Variants in ADAMTS5 observed in about 807,000 individuals in gnomAD.
ADAMTS5 encodes ADAM metallopeptidase with thrombospondin type 1 motif 5.
In ADAMTS5, 54 loss-of-function variants were observed where a neutral mutation model predicts 81.4. The ratio of observed to expected loss-of-function variants is 0.66; its 90% CI spans 0.53 to 0.83. ADAMTS5 has a LOEUF of 0.83. ADAMTS5 is among the 40% of genes least tolerant of loss of function. The pLI, the probability that ADAMTS5 is intolerant of heterozygous loss-of-function variation, is 0.00. For synonymous variants in ADAMTS5, 532 were observed against 508.8 expected, an observed-to-expected ratio of 1.05 and a Z score of -0.61; for missense variants, 1,194 against 1,229.9, an observed-to-expected ratio of 0.97 and a Z score of 0.44.
chr21:26,930,919 A>G (rs1986895784), intron 6 of ADAMTS5, among the ~76,000 whole-genome samples: 1 of 152,104 alleles, frequency 6.6e-6, no homozygotes, highest in Admixed American at 6.5e-5. Flanking sequence ...TTATGTTTTT[A>G]CTTCTGTGTA....
At chr21:26,961,941 G>A (rs1023730757) in intron 1 of ADAMTS5, among the ~76,000 whole-genome samples, 1 of 152,164 alleles carries the variant, frequency 6.6e-6, no homozygotes, top group Non-Finnish European at 1.5e-5. Context: ...GAGAAATGCC[G>A]TGTGGGGAGA....
At position 26,921,691 on chromosome 21, in the gene ADAMTS5, A is replaced by G. The variant is rs1986700789; in HGVS notation, c.*2362T>C. ...CCAGGAATTTAGACATACATTCCTC[A>G]GTCAATCTAGTGAGACTCATAAGAA... On this transcript the variant is annotated 3_prime_UTR_variant, in exon 8 of 8. Coordinates refer to ENST00000284987, the MANE Select transcript of ADAMTS5 (RefSeq NM_007038.5). 1 of 152,474 alleles carries G rather than the reference A, an allele frequency of 6.6e-6. No individual in the cohort carries two copies. The highest frequency in any genetic ancestry group is 1.5e-5 in the Non-Finnish European group (1 of 67,960). 9.4% of individuals were successfully genotyped at this position (152,474 alleles called of 1,614,324 possible).
Position 26,943,389 on chromosome 21 carries a change from C to T in ADAMTS5, c.1396G>A (p.Asp466Asn). The part of the protein sequence containing the change: ...TSATITEFLD[D>N]GHGNCLLDLP... ...CCTAAATGATACATACCATGGCCAT[C>T]ATCCAGGAATTCTGTGATGGTGGCT... Residue 466 changes from aspartate to asparagine, a missense_variant, in exon 3 of 8, where the codon GAT (aspartate) becomes AAT (asparagine). Asp to Asn is a conservative substitution (Grantham distance 23). Coordinates refer to ENST00000284987, the MANE Select transcript of ADAMTS5 (RefSeq NM_007038.5). 6.2e-7 allele frequency: 1 copy of T among 1,612,266 alleles called. No homozygotes were observed. The highest frequency in any genetic ancestry group is 8.5e-7 in the Non-Finnish European group (1 of 1,179,224).
At chr21:26,953,098 G>C (rs924697995) in intron 2 of ADAMTS5, among the ~76,000 whole-genome samples, 21 of 152,230 alleles carry the variant, frequency 1.4e-4, no homozygotes, top group African/African-American at 5.1e-4. Context: ...TAAATGGCAT[G>C]TGTTATAAAG....
intron 3 of ADAMTS5, among the ~76,000 whole-genome samples, chr21:26,940,415 G>A (rs76896252): frequency 0.026 from 3,966 of 152,238 alleles, 180 homozygotes; most frequent in African/African-American, 0.09. Context: ...GCACTAACTT[G>A]AGGGACCATG....
At chr21:26,943,218 A>G (rs772438359) in intron 3 of ADAMTS5, among the ~76,000 whole-genome samples, 162 bp downstream of exon 3, 8 of 152,232 alleles carry the variant, frequency 5.3e-5, no homozygotes, top group Non-Finnish European at 8.8e-5. Context: ...CGTTGGCAGT[A>G]CATACCCACA....
chr21:26,966,704 G>GA lies in ADAMTS5; in HGVS notation c.-314dup, dbSNP rs1304570473. Among the ~76,000 whole-genome samples, 2 of 148,924 alleles carry GA rather than the reference G, an allele frequency of 1.3e-5. No homozygotes were observed. The highest frequency in any genetic ancestry group is 2.5e-5 in the African/African-American group (1 of 40,432). On this transcript the variant is annotated 5_prime_UTR_variant, in exon 1 of 8. Coordinates refer to ENST00000284987, the MANE Select transcript of ADAMTS5 (RefSeq NM_007038.5). Reference sequence around the variant, plus strand: ...GGAGATTCAGCAAATACGGGAAAAGGAAAAAAACAAAAACCAAAAAACCAC... The same window carrying GA: ...GGAGATTCAGCAAATACGGGAAAAGGAAAAAAAACAAAAACCAAAAAACCAC...
intron 2 of ADAMTS5, among the ~76,000 whole-genome samples, chr21:26,949,769 T>C (rs1230043962): frequency 6.6e-6 from 1 of 152,184 alleles, no homozygotes; most frequent in Non-Finnish European, 1.5e-5. Flanking sequence ...AAAGACATAG[T>C]GTGGCTTTCC....
chr21:26,950,850 A>AT (rs1987302785), intron 2 of ADAMTS5, among the ~76,000 whole-genome samples: 1 of 148,030 alleles, frequency 6.8e-6, no homozygotes, highest in Admixed American at 7.0e-5. Flanking sequence ...TTATGAGTTA[A>AT]TTATCAAGGT....
chr21:26,965,198 T>C, intron 1 of ADAMTS5, 90 bp downstream of exon 1: 1 of 1,510,838 alleles, frequency 6.6e-7, no homozygotes, highest in Non-Finnish European at 8.9e-7. Context: ...CTGCAGGAGG[T>C]TTGAGGGAGA....
At chr21:26,952,846 G>A (rs994357348) in intron 2 of ADAMTS5, among the ~76,000 whole-genome samples, 4 of 152,164 alleles carry the variant, frequency 2.6e-5, no homozygotes, top group African/African-American at 9.7e-5. Flanking sequence ...AATTACCAGT[G>A]TACTTTAAAA....
At chr21:26,942,240 A>G (rs2830589) in intron 3 of ADAMTS5, among the ~76,000 whole-genome samples, 46,243 of 151,972 alleles carry the variant, frequency 0.3, 7,587 homozygotes, top group South Asian at 0.42. Flanking sequence ...AATAATTTGA[A>G]TTTGTCCATT....
At chr21:26,948,585 A>T (rs1455720110) in intron 2 of ADAMTS5, among the ~76,000 whole-genome samples, 1 of 152,224 alleles carries the variant, frequency 6.6e-6, no homozygotes, top group Non-Finnish European at 1.5e-5. Context: ...CATGAGCTCC[A>T]GTCATTGGAT....
At position 26,966,481 on chromosome 21, in the gene ADAMTS5, C is replaced by G; in HGVS notation, c.-90G>C. On this transcript the variant is annotated 5_prime_UTR_variant, in exon 1 of 8. Coordinates refer to ENST00000284987, the MANE Select transcript of ADAMTS5 (RefSeq NM_007038.5). ...AAGTTAACGGGGCGGGGGATGGGGA[C>G]ACACACACACTTGCTTGCAGGATTG... 8.0e-7 allele frequency: 1 copy of G among 1,253,764 alleles called. No homozygotes were observed. 77.7% of individuals were successfully genotyped at this position (1,253,764 alleles called of 1,614,324 possible). A position where few individuals can be genotyped will look rare whatever the true frequency, so the allele number is the denominator to read the frequency against.
At chr21:26,964,193 C>A (rs929006743) in intron 1 of ADAMTS5, among the ~76,000 whole-genome samples, 1 of 152,272 alleles carries the variant, frequency 6.6e-6, no homozygotes, top group Non-Finnish European at 1.5e-5. Flanking sequence ...GAAGTCAATT[C>A]TTACCAGGCA....
Position 26,965,470 on chromosome 21 carries a change from C to T in ADAMTS5, c.922G>A (p.Glu308Lys), listed in dbSNP as rs1254466571. The part of the protein sequence containing the change: ...ANRLYSHASI[E>K]NHIRLAVVKV... The stretch of plus-strand genomic sequence containing the variant: ...ACCACGGCCAGGCGGATGTGGTTCT[C>T]GATGCTAGCATGGCTGTACAGCCTA... Residue 308 changes from glutamate (E) to lysine (K), a missense_variant, in exon 1 of 8, where the codon GAG (glutamate) becomes AAG (lysine). By Grantham distance (56) the Glu-to-Lys change is moderately conservative (BLOSUM62 1). Coordinates refer to ENST00000284987, the MANE Select transcript of ADAMTS5 (RefSeq NM_007038.5). The T allele has an allele frequency of 1.2e-6, 2 of 1,614,124 alleles. No individual in the cohort carries two copies. Among genetic ancestry groups the T allele is most frequent in the East Asian group, 4.5e-5 (2 of 44,888 alleles).
chr21:26,951,679 CAAAAAAAAAAAAAAAAAAAAAAAAAAA>C (rs58060427), intron 2 of ADAMTS5, among the ~76,000 whole-genome samples: 9 of 46,608 alleles, frequency 1.9e-4, no homozygotes, highest in East Asian at 8.8e-4. Flanking sequence ...CCCTCCATCT[CAAAAAAAAAAAAAAAAAAAAAAAAAAA>C]AAAAAAAAAA....
At chr21:26,963,695 G>T (rs1482123642) in intron 1 of ADAMTS5, among the ~76,000 whole-genome samples, 4 of 78,024 alleles carry the variant, frequency 5.1e-5, no homozygotes, top group Non-Finnish European at 2.8e-5. Context: ...AAAGAGCTTG[G>T]AAACCTAACA....
At chr21:26,933,136 G>A (rs1202377284) in intron 4 of ADAMTS5, 92 bp from the exon 5 acceptor site, 1 of 1,320,316 alleles carries the variant, frequency 7.6e-7, no homozygotes, top group African/African-American at 1.5e-5. Flanking sequence ...ATGACAAAGT[G>A]GAAACTTTGT....
Sources: gnomAD v4.1 joint callset for allele counts (sites outside exome capture counted in the v4.1 genomes callset) on GRCh38, gnomAD v4.1.1 for gene constraint, MANE v1.5 for transcripts, NCBI Gene and HGNC (gene_info 2026-07-23, HGNC 2026-07-21) for gene names.